The following TRMT9B variants were observed in gnomAD, a reference collection of about 807,000 sequenced individuals.
The protein encoded by TRMT9B is tRNA methyltransferase 9B (putative).
Under a neutral mutation model 11.5 loss-of-function variants are expected in TRMT9B, and 16 were observed. The observed-to-expected ratio is 1.39, with a 90% CI of 0.94 to 2.11. TRMT9B has a LOEUF of 2.11. Ranked by LOEUF, TRMT9B falls within the 30% of genes most tolerant of loss-of-function variation. The pLI, the probability that TRMT9B is intolerant of heterozygous loss-of-function variation, is 0.00. For synonymous variants in TRMT9B, 274 were observed against 192.4 expected (o/e 1.42, Z -3.51); for missense variants, 941 against 553.8 (o/e 1.70, Z -7.02).
At chr8:12,972,701 G>A (rs1185185985) in intron 1 of TRMT9B, among the ~76,000 whole-genome samples, 1 of 152,102 alleles carries the variant, frequency 6.6e-6, no homozygotes, top group East Asian at 1.9e-4. Flanking sequence ...AGAGACAATG[G>A]CTTGATAACA....
chr8:13,006,696 T>G (rs1257304171), intron 3 of TRMT9B: 20 of 1,300,710 alleles, frequency 1.5e-5, no homozygotes, highest in Non-Finnish European at 2.0e-5. Flanking sequence ...GAGATGGAGT[T>G]TCACTCTTGT....
chr8:13,029,326 A>C lies in TRMT9B; in HGVS notation c.*7282A>C, dbSNP rs1471256767. The C allele has an allele frequency of 1.8e-5, 3 of 167,068 alleles. No individual in the cohort carries two copies. 10.3% of individuals were successfully genotyped at this position (167,068 alleles called of 1,614,324 possible). ...ATGTACAGTTATTTTGACTTTTCCC[A>C]GGGGAAGCTAGCAATAGTTTTAAAA... On this transcript the variant is annotated 3_prime_UTR_variant, in exon 5 of 5. Transcript: ENST00000524591.
intron 4 of TRMT9B, among the ~76,000 whole-genome samples, chr8:13,020,433 T>A (rs1813611382): frequency 6.6e-6 from 1 of 152,214 alleles, no homozygotes; most frequent in Non-Finnish European, 1.5e-5. Context: ...ATTGATTTTT[T>A]AAATAGACAC....
chr8:12,972,553 C>A (rs7833109), intron 1 of TRMT9B, among the ~76,000 whole-genome samples: 9,429 of 152,230 alleles, frequency 0.062, 355 homozygotes, highest in African/African-American at 0.11. Context: ...AGGAGCCGGT[C>A]CCCTCTCCCA....
At chr8:13,020,474 A>G (rs1304372503) in intron 4 of TRMT9B, among the ~76,000 whole-genome samples, 2 of 152,170 alleles carry the variant, frequency 1.3e-5, no homozygotes, top group African/African-American at 2.4e-5. Flanking sequence ...TAAGCAACCA[A>G]TTGGACTTGG....
In TRMT9B at chr8:13,027,441, C is replaced by T. The variant is rs1252196793; in HGVS notation, c.*5397C>T. 3.6e-5 allele frequency: 6 copies of T among 167,012 alleles called. No homozygotes were observed. The highest frequency in any genetic ancestry group is 5.9e-5 in the Non-Finnish European group (4 of 68,124). 10.3% of individuals were successfully genotyped at this position (167,012 alleles called of 1,614,324 possible). On this transcript the variant is annotated 3_prime_UTR_variant, in exon 5 of 5. Coordinates refer to ENST00000524591, the MANE Select transcript of TRMT9B (RefSeq NM_020844.3). ...AGACGTATTAACATCCTATAGCGCACGTGTTCTGTGGGATATATTTCAGAA... is the reference window on the plus strand; with the variant it reads ...AGACGTATTAACATCCTATAGCGCATGTGTTCTGTGGGATATATTTCAGAA...
chr8:12,998,793 G>T (rs192696094), intron 2 of TRMT9B, among the ~76,000 whole-genome samples: 1 of 152,322 alleles, frequency 6.6e-6, no homozygotes, highest in Admixed American at 6.5e-5. Flanking sequence ...CAGTTCCTCA[G>T]AATATTTTTA....
chr8:12,958,659 A>T (rs1284326858), intron 1 of TRMT9B: 1 of 153,082 alleles, frequency 6.5e-6, no homozygotes, highest in Non-Finnish European at 1.5e-5. Flanking sequence ...GAATGTCAGA[A>T]TCTGAACAAA....
At chr8:12,952,251 C>T (rs1259430044) in intron 1 of TRMT9B, 1 of 432,798 alleles carries the variant, frequency 2.3e-6, no homozygotes, top group Non-Finnish European at 4.7e-6. Context: ...AGAGAAGCTT[C>T]TGTTGCGCCC....
intron 3 of TRMT9B, among the ~76,000 whole-genome samples, chr8:13,009,016 C>T (rs1811051481): frequency 2.6e-5 from 4 of 152,142 alleles, no homozygotes; most frequent in Non-Finnish European, 1.5e-5. Context: ...GCGTGAGCCA[C>T]CGCGCCCGGC....
intron 1 of TRMT9B, among the ~76,000 whole-genome samples, chr8:12,971,175 T>C (rs944782892): frequency 6.6e-6 from 1 of 152,252 alleles, no homozygotes; most frequent in African/African-American, 2.4e-5. Flanking sequence ...TTGTTAACTG[T>C]CGTTTCCCTG....
intron 1 of TRMT9B, among the ~76,000 whole-genome samples, chr8:12,987,405 C>G (rs770197865): frequency 2.6e-5 from 4 of 152,082 alleles, no homozygotes; most frequent in Non-Finnish European, 4.4e-5. Flanking sequence ...CAAAAATGCA[C>G]TTAGGCCTGG....
chr8:12,952,774 C>G (rs531892832), intron 1 of TRMT9B: 1 of 772,454 alleles, frequency 1.3e-6, no homozygotes, highest in Non-Finnish European at 1.6e-6. Context: ...GAGTCTCTCT[C>G]TGTCACCCAG....
At chr8:13,019,762 A>G (rs1334282258) in intron 4 of TRMT9B, among the ~76,000 whole-genome samples, 1 of 152,144 alleles carries the variant, frequency 6.6e-6, no homozygotes, top group Non-Finnish European at 1.5e-5. Flanking sequence ...TCTTTTCGGG[A>G]GTGGGTGGCA....
At chr8:12,969,731 G>GT (rs1554513572) in intron 1 of TRMT9B, among the ~76,000 whole-genome samples, 1 of 151,706 alleles carries the variant, frequency 6.6e-6, no homozygotes, top group Non-Finnish European at 1.5e-5. Context: ...GAGTGCACTG[G>GT]TACAATCACG....
chr8:12,971,186 C>T (rs1440510099), intron 1 of TRMT9B, among the ~76,000 whole-genome samples: 4 of 152,156 alleles, frequency 2.6e-5, no homozygotes, highest in Non-Finnish European at 5.9e-5. Context: ...CGTTTCCCTG[C>T]TGTATTATCA....
At chr8:12,962,162 G>T (rs1158049050) in intron 1 of TRMT9B, 1 of 152,434 alleles carries the variant, frequency 6.6e-6, no homozygotes, top group Non-Finnish European at 1.5e-5. Flanking sequence ...TATGCATTGA[G>T]TTGGCAGAAA....
At chr8:12,954,480 A>G (rs752173328) in intron 1 of TRMT9B, among the ~76,000 whole-genome samples, 1 of 152,222 alleles carries the variant, frequency 6.6e-6, no homozygotes, top group East Asian at 1.9e-4. Context: ...CACTGTTCTC[A>G]TTTGTGTTTT....
rs887610481 is a variant in TRMT9B, at chr8:13,025,200, G to C, written c.*3156G>C. On this transcript the variant is annotated 3_prime_UTR_variant, in exon 5 of 5. Coordinates refer to ENST00000524591, the MANE Select transcript of TRMT9B (RefSeq NM_020844.3). ...CTATCTGAAATAGAAGGGAGAGTTT[G>C]GGGGTTTATTGGAGGAGTCTTAAAA... is the stretch of plus-strand genomic sequence containing the variant. 5 of 167,036 alleles carry C rather than the reference G, an allele frequency of 3.0e-5. No individual in the cohort carries two copies. The highest frequency in any genetic ancestry group is 6.6e-5 in the Admixed American group (1 of 15,252). 10.3% of individuals were successfully genotyped at this position (167,036 alleles called of 1,614,324 possible). A position where few individuals can be genotyped will look rare whatever the true frequency, so the allele number is the denominator to read the frequency against.
Sources: allele counts gnomAD v4.1 joint callset (sites outside exome capture counted in the v4.1 genomes callset), GRCh38; gene constraint gnomAD v4.1.1; transcripts MANE v1.5; gene names NCBI Gene and HGNC (gene_info 2026-07-23, HGNC 2026-07-21).